The following STK3 variants were observed in gnomAD, a reference collection of about 807,000 sequenced individuals.
STK3 encodes serine/threonine kinase 3, also known as serine/threonine-protein kinase 3.
STK3 carries 41 observed loss-of-function variants against 58.0 expected under a neutral mutation model. The observed-to-expected ratio is 0.71, with a 90% confidence interval of 0.55 to 0.92. The LOEUF (loss-of-function observed/expected upper bound fraction) is 0.92, where lower values mean the gene tolerates loss of function less well. Among genes scored for constraint, STK3 ranks in the 40% least tolerant of loss-of-function variants. The pLI, the probability that STK3 is intolerant of heterozygous loss-of-function variation, is 0.00. For synonymous variants in STK3, 170 were observed against 191.0 expected, an observed-to-expected ratio of 0.89 and a Z score of 0.91; for missense variants, 479 against 602.7, an observed-to-expected ratio of 0.79 and a Z score of 2.15.
Position 98,428,639 on chromosome 8 carries a change from C to A in STK3, n.483+5488G>T, listed in dbSNP as rs1818281198. 4.3e-6 allele frequency: 7 copies of A among 1,614,212 alleles called. No homozygotes were observed. The highest frequency in any genetic ancestry group is 3.3e-5 in the South Asian group (3 of 91,084). ...TCCAAATCCCTGACAGCCAGGGCAA[C>A]CCTGGCGAGGACCCTAGGTTCGAAA... On this transcript the variant is annotated intron_variant and non_coding_transcript_variant, in intron 3 of 3. Transcript: ENST00000517832. This position sits in a 1 kb window ranked among gnomAD's most constrained non-coding sequence, Gnocchi z 6.7.
intron 6 of STK3, among the ~76,000 whole-genome samples, chr8:98,676,001 G>T (rs779232376): frequency 6.6e-6 from 1 of 152,130 alleles, no homozygotes; most frequent in African/African-American, 2.4e-5. Context: ...TGATGTGTAC[G>T]CATAAATGAA....
chr8:98,684,469 C>A (rs764920572), intron 6 of STK3, among the ~76,000 whole-genome samples: 5 of 152,154 alleles, frequency 3.3e-5, no homozygotes, highest in Non-Finnish European at 7.4e-5. Context: ...AAATATTAAA[C>A]GGGCATCCTC....
chr8:98,630,307 C>T (rs1014394924), intron 6 of STK3, among the ~76,000 whole-genome samples: 6 of 152,154 alleles, frequency 3.9e-5, no homozygotes, highest in African/African-American at 1.4e-4. Flanking sequence ...AAGCACCAAA[C>T]AAACAGCACG....
intron 4 of STK3, among the ~76,000 whole-genome samples, chr8:98,734,660 T>A (rs75185683): frequency 0.022 from 3,406 of 152,308 alleles, 50 homozygotes; most frequent in Non-Finnish European, 0.035. Context: ...GTTATGCATT[T>A]CTACTCTGCA....
At chr8:98,570,699 G>A (rs1427414916) in intron 8 of STK3, among the ~76,000 whole-genome samples, 4 of 152,120 alleles carry the variant, frequency 2.6e-5, no homozygotes, top group African/African-American at 4.8e-5. Context: ...TACAACAGCA[G>A]TAGTGATGGT....
chr8:98,809,824 T>A (rs868744547), intron 1 of STK3, among the ~76,000 whole-genome samples: 2 of 152,334 alleles, frequency 1.3e-5, no homozygotes, highest in Middle Eastern at 6.8e-3. Flanking sequence ...CTTGAGACCC[T>A]GCTTTCAATT....
chr8:98,673,977 T>C (rs910112901), intron 6 of STK3, among the ~76,000 whole-genome samples: 4 of 152,190 alleles, frequency 2.6e-5, no homozygotes, highest in African/African-American at 9.6e-5. Context: ...TATGTTTTCT[T>C]TTAAGTACTC....
At chr8:98,696,948 G>A (rs1587331987) in intron 6 of STK3, among the ~76,000 whole-genome samples, 1 of 152,242 alleles carries the variant, frequency 6.6e-6, no homozygotes, top group Middle Eastern at 3.4e-3. Flanking sequence ...ATTCCTCCTT[G>A]TACCTCTGGT....
intron 7 of STK3, among the ~76,000 whole-genome samples, chr8:98,589,729 G>C (rs1268290120): frequency 6.6e-6 from 1 of 152,174 alleles, no homozygotes; most frequent in Non-Finnish European, 1.5e-5. Context: ...ATCTCAGACT[G>C]CTGTGCTAGC....
chr8:98,934,626 C>T (rs868268489), intron 1 of STK3, among the ~76,000 whole-genome samples: 7 of 152,272 alleles, frequency 4.6e-5, no homozygotes, highest in Middle Eastern at 3.4e-3. Context: ...TATAAGATGA[C>T]ATATGTAGGC....
chr8:98,829,424 G>A (rs1220080789), upstream of STK3, among the ~76,000 whole-genome samples: 2 of 152,174 alleles, frequency 1.3e-5, no homozygotes, highest in African/African-American at 2.4e-5. Context: ...ATAAAGAATT[G>A]TGGAAGTAGG....
upstream of STK3, among the ~76,000 whole-genome samples, chr8:98,392,917 C>T (rs201554070): frequency 4.6e-5 from 7 of 152,126 alleles, no homozygotes; most frequent in Non-Finnish European, 1.0e-4. Context: ...ATCCTGGATC[C>T]CCCCTTCAGT....
At chr8:98,915,889 A>G (rs896644921) in intron 1 of STK3, among the ~76,000 whole-genome samples, 2 of 152,080 alleles carry the variant, frequency 1.3e-5, no homozygotes, top group African/African-American at 4.8e-5. Flanking sequence ...CATTTTACCT[A>G]TCTATTTTAG....
At chr8:98,390,475 C>G (rs909372432), upstream of STK3, among the ~76,000 whole-genome samples, 4 of 152,072 alleles carry the variant, frequency 2.6e-5, no homozygotes, top group African/African-American at 9.7e-5. Context: ...TAGTTTTTAG[C>G]CATTTGATTA....
At chr8:98,902,592 G>A (rs1474594799) in intron 1 of STK3, among the ~76,000 whole-genome samples, 1 of 152,128 alleles carries the variant, frequency 6.6e-6, no homozygotes, top group African/African-American at 2.4e-5. Context: ...AATATTTCTT[G>A]TGTCTTCCCA....
intron 3 of STK3, among the ~76,000 whole-genome samples, chr8:98,751,494 T>G (rs1587513750): frequency 1.3e-5 from 2 of 151,818 alleles, no homozygotes; most frequent in Non-Finnish European, 2.9e-5. Flanking sequence ...GGGAACTAAC[T>G]CCCATTCACA....
chr8:98,808,096 T>C lies in STK3; in HGVS notation c.26+17419A>G, dbSNP rs1288987510. Among the ~76,000 whole-genome samples, 4 of 152,224 alleles carry C rather than the reference T, an allele frequency of 2.6e-5. No homozygotes were observed. In the East Asian group the frequency reaches 7.7e-4, roughly 29 times the overall value. On this transcript the variant is annotated intron_variant, in intron 1 of 10. Coordinates refer to ENST00000419617, the MANE Select transcript of STK3 (RefSeq NM_006281.4). Reference sequence around the variant, plus strand: ...AAAGGAAGAAGAGAAAAAATTGTCGTGTGACAGAAGCAAAAATTATGTAGA... The same window carrying C: ...AAAGGAAGAAGAGAAAAAATTGTCGCGTGACAGAAGCAAAAATTATGTAGA...
At chr8:98,427,942 A>G (rs1376097204) in intron 3 of STK3, 2 of 1,446,576 alleles carry the variant, frequency 1.4e-6, no homozygotes, top group Non-Finnish European at 1.8e-6. Flanking sequence ...TTCCAGGTGT[A>G]GCGCCCCCGC....
At chr8:98,387,874 T>C (rs80285600) in intron 1 of STK3, among the ~76,000 whole-genome samples, 17 of 118,824 alleles carry the variant, frequency 1.4e-4, no homozygotes, top group African/African-American at 3.5e-4. Context: ...TAAAATGCCC[T>C]TTTTTTTTTT....
Sources: gnomAD v4.1 joint callset for allele counts (sites outside exome capture counted in the v4.1 genomes callset) on GRCh38, gnomAD v4.1.1 for gene constraint, Gnocchi (gnomAD v3.1) non-coding constraint, MANE v1.5 for transcripts, NCBI Gene and HGNC (gene_info 2026-07-23, HGNC 2026-07-21) for gene names.